The following CNTNAP4 variants were observed in gnomAD, a reference collection of about 807,000 sequenced individuals.
CNTNAP4 encodes the protein contactin associated protein family member 4.
A neutral mutation model predicts 148.4 loss-of-function variants in CNTNAP4; 98 were observed. That is an observed-to-expected ratio of 0.66 (90% confidence interval 0.56 to 0.78). CNTNAP4 has a LOEUF of 0.78. Ranked by LOEUF, CNTNAP4 falls within the 30% of genes least tolerant of loss-of-function variation. The pLI is 0.00. For missense variants in CNTNAP4, 1,935 were observed against 1,565.6 expected (o/e 1.24, Z -3.98); for synonymous variants, 730 against 565.1 (o/e 1.29, Z -4.14).
chr16:76,479,833 T>G (rs1248039017), intron 12 of CNTNAP4, among the ~76,000 whole-genome samples: 1 of 152,164 alleles, frequency 6.6e-6, no homozygotes, highest in African/African-American at 2.4e-5. Flanking sequence ...ATGTAAAAGC[T>G]TTGAAGAATA....
chr16:76,350,417 C>T (rs966337937), intron 2 of CNTNAP4, among the ~76,000 whole-genome samples: 2 of 151,994 alleles, frequency 1.3e-5, no homozygotes, highest in South Asian at 2.1e-4. Flanking sequence ...GTTAATACAA[C>T]GTATACAATT....
chr16:76,432,293 G>A (rs879329693), intron 4 of CNTNAP4, among the ~76,000 whole-genome samples: 5 of 152,040 alleles, frequency 3.3e-5, no homozygotes, highest in African/African-American at 7.2e-5. Flanking sequence ...ATAAATTGCC[G>A]TTTACCCCAA....
In CNTNAP4 at chr16:76,322,674, G is replaced by A. The variant is rs115321467; in HGVS notation, c.196+6151G>A. 6.1e-3 allele frequency among the ~76,000 whole-genome samples: 921 copies of A among 152,136 alleles called. 2 individuals are homozygous for A. The highest frequency in any genetic ancestry group is 0.021 in the African/African-American group (859 of 41,502). On this transcript the variant is annotated intron_variant, in intron 2 of 23. Transcript: ENST00000611870. The stretch of plus-strand genomic sequence containing the variant: ...GCCACATAAATTACAAAAACACAGT[G>A]CTGTACACATTTTAACCAGTTTCAA...
At chr16:76,531,586 C>CGT (rs1485752959) in intron 17 of CNTNAP4, among the ~76,000 whole-genome samples, 1 of 152,102 alleles carries the variant, frequency 6.6e-6, no homozygotes, top group Non-Finnish European at 1.5e-5. Flanking sequence ...CAGTTCCAAA[C>CGT]GTAATAGCTC....
chr16:76,433,215 G>T (rs906183659), intron 4 of CNTNAP4, among the ~76,000 whole-genome samples: 6 of 152,102 alleles, frequency 3.9e-5, no homozygotes, highest in African/African-American at 7.2e-5. Flanking sequence ...GGCAAGCTTA[G>T]TAAGCCTCAG....
chr16:76,400,637 A>T (rs916309997), intron 3 of CNTNAP4, among the ~76,000 whole-genome samples: 2 of 151,758 alleles, frequency 1.3e-5, no homozygotes, highest in Non-Finnish European at 2.9e-5. Context: ...GGATGGTGTT[A>T]CCTAGGTTGT....
chr16:76,440,324 C>G (rs1174962774), intron 4 of CNTNAP4, among the ~76,000 whole-genome samples: 1 of 152,018 alleles, frequency 6.6e-6, no homozygotes, highest in Non-Finnish European at 1.5e-5. Context: ...AATTGATTTT[C>G]TAATTTACAC....
At chr16:76,452,023 A>G (rs2080504583) in intron 7 of CNTNAP4, among the ~76,000 whole-genome samples, 1 of 151,916 alleles carries the variant, frequency 6.6e-6, no homozygotes, top group Non-Finnish European at 1.5e-5. Flanking sequence ...ATTATGTATC[A>G]CTAAGAAAAA....
chr16:76,545,304 A>G (rs1173279785), intron 21 of CNTNAP4, among the ~76,000 whole-genome samples: 1 of 152,220 alleles, frequency 6.6e-6, no homozygotes, highest in East Asian at 1.9e-4. Context: ...TGAGCTGGCC[A>G]TACCTAGAAG....
At chr16:76,362,756 G>A (rs187007805) in intron 3 of CNTNAP4, among the ~76,000 whole-genome samples, 1 of 152,270 alleles carries the variant, frequency 6.6e-6, no homozygotes, top group East Asian at 1.9e-4. Flanking sequence ...ATTGAGGGTG[G>A]AGGGTGGGAG....
At chr16:76,278,835 A>C (rs896168570) in intron 1 of CNTNAP4, among the ~76,000 whole-genome samples, 14 of 152,164 alleles carry the variant, frequency 9.2e-5, no homozygotes, top group African/African-American at 3.4e-4. Flanking sequence ...ATATGTGAAA[A>C]ACATGACAAA....
At chr16:76,444,458 G>A (rs1005816664) in intron 4 of CNTNAP4, among the ~76,000 whole-genome samples, 1 of 151,814 alleles carries the variant, frequency 6.6e-6, no homozygotes, top group African/African-American at 2.4e-5. Flanking sequence ...TCTTAACAGT[G>A]GTAAGATCAC....
rs749116867 is a variant in CNTNAP4, at chr16:76,559,792, A to G, written c.*1109A>G. 5.9e-5 allele frequency among the ~76,000 whole-genome samples: 9 copies of G among 152,082 alleles called. No homozygotes were observed. Among genetic ancestry groups the G allele is most frequent in the Admixed American group, 2.0e-4 (3 of 15,262 alleles). ...GAAACATATACCCCTTTAGGTGTAC[A>G]TTTTGCTGTGCATAGACTTCCAGTA... is the stretch of plus-strand genomic sequence containing the variant. On this transcript the variant is annotated 3_prime_UTR_variant, in exon 24 of 24. Transcript: ENST00000611870.
rs904823683 is a variant in CNTNAP4, at chr16:76,559,522, A to C, written c.*839A>C. On this transcript the variant is annotated 3_prime_UTR_variant, in exon 24 of 24. Transcript: ENST00000611870. ...ATGTTTTCAACTAAACTGTTGATAT[A>C]TTAAAAAAAATTCTTAACACAGCAA... is the stretch of plus-strand genomic sequence containing the variant. Among the ~76,000 whole-genome samples, 23 of 152,214 alleles carry C rather than the reference A, an allele frequency of 1.5e-4. No homozygotes were observed. The South Asian group carries it at 4.3e-3, about 29-fold the overall frequency.
At chr16:76,534,322 G>A (rs910516991) in intron 17 of CNTNAP4, among the ~76,000 whole-genome samples, 11 of 152,184 alleles carry the variant, frequency 7.2e-5, no homozygotes, top group African/African-American at 2.7e-4. Flanking sequence ...AGGTTAAGGA[G>A]CTACCTAAAT....
At chr16:76,405,076 G>A (rs2144871588) in intron 3 of CNTNAP4, among the ~76,000 whole-genome samples, 1 of 152,162 alleles carries the variant, frequency 6.6e-6, no homozygotes, top group Admixed American at 6.5e-5. Flanking sequence ...TTTCAAATGA[G>A]GAAAATCATT....
In CNTNAP4 at chr16:76,469,760, G is replaced by A. The variant is rs143236634; in HGVS notation, c.1655+2237G>A. On this transcript the variant is annotated intron_variant, in intron 10 of 23. Transcript: ENST00000611870. Reference sequence around the variant, plus strand: ...AGAAATAGTTAGCAAATTATGGATAGATCTTGACTATACATGTTTCTTTTT... The same window carrying A: ...AGAAATAGTTAGCAAATTATGGATAAATCTTGACTATACATGTTTCTTTTT... Among the ~76,000 whole-genome samples the A allele has an allele frequency of 1.8e-4, 28 of 152,304 alleles. No individual in the cohort carries two copies. In the East Asian group the frequency reaches 5.2e-3, roughly 28 times the overall value.
At chr16:76,549,693 A>G (rs750598642) in intron 21 of CNTNAP4, among the ~76,000 whole-genome samples, 3 of 152,202 alleles carry the variant, frequency 2.0e-5, no homozygotes, top group Non-Finnish European at 4.4e-5. Flanking sequence ...CAAAAAATAT[A>G]ACAGGAAAGA....
intron 3 of CNTNAP4, among the ~76,000 whole-genome samples, chr16:76,412,736 A>G (rs2078842454): frequency 6.6e-6 from 1 of 151,470 alleles, no homozygotes; most frequent in African/African-American, 2.4e-5. Flanking sequence ...AATATACTGA[A>G]AAATAGGTTC....
Sources: gnomAD v4.1 joint callset for allele counts (sites outside exome capture counted in the v4.1 genomes callset) on GRCh38, gnomAD v4.1.1 for gene constraint, MANE v1.5 for transcripts, NCBI Gene and HGNC (gene_info 2026-07-23, HGNC 2026-07-21) for gene names.